Variants in DNAAF4 observed in about 807,000 individuals in gnomAD.
The protein encoded by DNAAF4 is dynein assembly factor 4, axonemal.
DNAAF4 carries 43 observed loss-of-function variants against 51.8 expected under a neutral mutation model. The ratio of observed to expected loss-of-function variants is 0.83; its 90% CI spans 0.65 to 1.07. The LOEUF (loss-of-function observed/expected upper bound fraction) is 1.07. DNAAF4 is among the 50% of genes least tolerant of loss of function. The pLI, the probability that DNAAF4 is intolerant of heterozygous loss-of-function variation, is 0.00. For synonymous variants in DNAAF4, 194 were observed against 165.6 expected (o/e 1.17, Z -1.32); for missense variants, 581 against 493.0 (o/e 1.18, Z -1.69).
intron 4 of DNAAF4, among the ~76,000 whole-genome samples, chr15:55,468,994 C>T (rs943371438): frequency 2.0e-5 from 3 of 152,024 alleles, no homozygotes; most frequent in African/African-American, 7.2e-5. Flanking sequence ...TAACACAAAG[C>T]TTATGATAAA....
intron 5 of DNAAF4, among the ~76,000 whole-genome samples, chr15:55,466,388 C>A (rs898409924): frequency 3.3e-5 from 5 of 152,016 alleles, no homozygotes; most frequent in Non-Finnish European, 7.4e-5. Flanking sequence ...CACACCATTG[C>A]ACTCCAGCCT....
intron 4 of DNAAF4, among the ~76,000 whole-genome samples, chr15:55,478,897 T>C (rs1386711288): frequency 1.3e-5 from 2 of 152,140 alleles, no homozygotes; most frequent in South Asian, 2.1e-4. Context: ...AAGCCCTGAG[T>C]ACCTTGAAAT....
intron 6 of DNAAF4, chr15:55,443,082 T>G: frequency 8.7e-6 from 14 of 1,610,796 alleles, no homozygotes; most frequent in Non-Finnish European, 1.2e-5. Flanking sequence ...GAAAATGGGT[T>G]TTAAAGTCTT....
chr15:55,486,075 G>A (rs2058483995), intron 4 of DNAAF4, among the ~76,000 whole-genome samples: 1 of 150,980 alleles, frequency 6.6e-6, no homozygotes, highest in African/African-American at 2.4e-5. Flanking sequence ...GAAGACTCTG[G>A]CATCAGTATT....
At chr15:55,429,248 G>A (rs918628720), downstream of DNAAF4, among the ~76,000 whole-genome samples, 1 of 151,794 alleles carries the variant, frequency 6.6e-6, no homozygotes. Context: ...GGCCGGGCGC[G>A]GTGGCTCATG....
chr15:55,443,290 C>T, intron 6 of DNAAF4: 5 of 1,463,226 alleles, frequency 3.4e-6, no homozygotes, highest in Non-Finnish European at 4.7e-6. Flanking sequence ...CGGCAGGCGC[C>T]TGCCTACCGG....
chr15:55,480,958 C>A (rs1432542112), intron 4 of DNAAF4, among the ~76,000 whole-genome samples: 1 of 152,062 alleles, frequency 6.6e-6, no homozygotes, highest in African/African-American at 2.4e-5. Flanking sequence ...CCATGATGTT[C>A]TCATGATAAT....
At chr15:55,442,721 TG>T in intron 6 of DNAAF4, 1 of 1,532,776 alleles carries the variant, frequency 6.5e-7, no homozygotes, top group Non-Finnish European at 9.0e-7. Context: ...TGAACATTAC[TG>T]GAAACAAAAA....
At chr15:55,418,431 T>G (rs866531236) in intron 7 of DNAAF4, 4 of 1,524,900 alleles carry the variant, frequency 2.6e-6, no homozygotes, top group Non-Finnish European at 3.5e-6. Context: ...CCACAGTTTT[T>G]CCCCTGCAAT....
intron 5 of DNAAF4, among the ~76,000 whole-genome samples, chr15:55,453,550 T>G (rs1190653371): frequency 7.0e-6 from 1 of 142,998 alleles, no homozygotes; most frequent in Non-Finnish European, 1.5e-5. Flanking sequence ...AAACAGTTCT[T>G]TTTTTTTTTT....
chr15:55,494,870 G>T (rs1018223417), intron 3 of DNAAF4, among the ~76,000 whole-genome samples: 18 of 152,012 alleles, frequency 1.2e-4, no homozygotes. Context: ...ATAACATTTT[G>T]TGGCATTTAA....
chr15:55,418,043 T>C, exon 8 of DNAAF4: 1 of 1,253,412 alleles, frequency 8.0e-7, no homozygotes, highest in Non-Finnish European at 1.1e-6. Context: ...CTTCAGGCCA[T>C]CTGGATGTAT....
intron 6 of DNAAF4, among the ~76,000 whole-genome samples, chr15:55,448,735 C>T (rs1024986654): frequency 2.6e-5 from 4 of 151,132 alleles, no homozygotes; most frequent in East Asian, 4.0e-4. Flanking sequence ...CTGGGCGTGG[C>T]GGTGGGCACC....
At chr15:55,500,899 G>A (rs1300472683) in intron 1 of DNAAF4, among the ~76,000 whole-genome samples, 1 of 150,422 alleles carries the variant, frequency 6.6e-6, no homozygotes, top group Non-Finnish European at 1.5e-5. Flanking sequence ...GGCTGAGGCA[G>A]GAGAATTGCT....
chr15:55,446,078 G>C (rs1290292903), intron 6 of DNAAF4, among the ~76,000 whole-genome samples: 1 of 142,082 alleles, frequency 7.0e-6, no homozygotes, highest in Non-Finnish European at 1.5e-5. Context: ...TGGGGTGGCG[G>C]CCGGGCAGAG....
chr15:55,459,994 G>C (rs2439046), intron 5 of DNAAF4, among the ~76,000 whole-genome samples: 3 of 151,698 alleles, frequency 2.0e-5, no homozygotes, highest in African/African-American at 7.3e-5. Context: ...GAGCCACTGC[G>C]CCTAGCCAGG....
intron 4 of DNAAF4, among the ~76,000 whole-genome samples, chr15:55,469,446 T>C (rs1477049918): frequency 2.7e-5 from 4 of 149,748 alleles, no homozygotes; most frequent in African/African-American, 9.8e-5. Context: ...ATCACGAAAC[T>C]TGTGGGTTTC....
chr15:55,471,755 T>C (rs1376441075), intron 4 of DNAAF4, among the ~76,000 whole-genome samples: 1 of 151,988 alleles, frequency 6.6e-6, no homozygotes, highest in African/African-American at 2.4e-5. Flanking sequence ...CCTCGTGATC[T>C]GCCCGCCTCG....
At chr15:55,435,342 T>A (rs2057590265) in intron 7 of DNAAF4, among the ~76,000 whole-genome samples, 1 of 152,192 alleles carries the variant, frequency 6.6e-6, no homozygotes, top group Admixed American at 6.5e-5. Context: ...TGGGCTAGTG[T>A]GACCTATATT....
Sources: allele counts gnomAD v4.1 joint callset (sites outside exome capture counted in the v4.1 genomes callset), GRCh38; gene constraint gnomAD v4.1.1; transcripts MANE v1.5; gene names NCBI Gene and HGNC (gene_info 2026-07-23, HGNC 2026-07-21).